MTMR9: variants seen among roughly 807,000 people sequenced by gnomAD.
The protein encoded by MTMR9 is myotubularin-related protein 9.
In MTMR9, 39 loss-of-function variants were observed where a neutral mutation model predicts 69.5. That is an observed-to-expected ratio of 0.56 (90% confidence interval 0.43 to 0.73). MTMR9 has a LOEUF of 0.73. MTMR9 is among the 30% of genes least tolerant of loss of function. The pLI is 0.00. For missense variants in MTMR9, 900 were observed against 671.2 expected, an observed-to-expected ratio of 1.34 and a Z score of -3.77; for synonymous variants, 354 against 240.8, an observed-to-expected ratio of 1.47 and a Z score of -4.35.
At chr8:11,336,021 C>T in the MTMR9 span, among the ~76,000 whole-genome samples, 61,667 of 152,006 alleles carry the variant, frequency 0.41, 14,102 homozygotes, top group East Asian at 0.74. Context: ...AGAAGTATTA[C>T]AGACAAGGAA....
At chr8:11,314,544 G>C (rs1057184574) in intron 6 of MTMR9, among the ~76,000 whole-genome samples, 1 of 152,170 alleles carries the variant, frequency 6.6e-6, no homozygotes, top group Non-Finnish European at 1.5e-5. Flanking sequence ...TTGATGAGAA[G>C]AGGCTTTAAC....
rs370937399 is a variant in MTMR9 at position 11,319,723 on chromosome 8, G to A, written c.1371G>A (p.Leu457=). ...KLKLQQKTMS[L]WSWVNQPSEL... is the part of the protein sequence containing the mutation. The stretch of plus-strand genomic sequence containing the variant: ...AGCTACAGCAGAAGACGATGTCTTT[G>A]TGGTCCTGGGTTAATCAGCCCAGTG... Residue 457 remains leucine (L), a synonymous_variant, in exon 9 of 10, where the codon TTG becomes TTA. Coordinates refer to ENST00000221086, the MANE Select transcript of MTMR9 (RefSeq NM_015458.4). 4 of 1,614,122 alleles carry A rather than the reference G, an allele frequency of 2.5e-6. No individual in the cohort carries two copies. Among genetic ancestry groups the A allele is most frequent in the Admixed American group, 1.7e-5 (1 of 60,022 alleles).
Position 11,285,077 on chromosome 8 carries a change from G to T in MTMR9, c.182+7G>T, listed in dbSNP as rs1433056543. On this transcript the variant is annotated splice_region_variant and intron_variant, in intron 1 of 9. Transcript: ENST00000221086. Reference sequence around the variant, plus strand: ...TCGACGCCATCGACAAGCGGTGAGTGCCCGCCCCACCCCAGCTCCGCAGGG... The same window carrying T: ...TCGACGCCATCGACAAGCGGTGAGTTCCCGCCCCACCCCAGCTCCGCAGGG... 1 of 1,578,746 alleles carries T rather than the reference G, an allele frequency of 6.3e-7. No individual in the cohort carries two copies. Among genetic ancestry groups the T allele is most frequent in the Admixed American group, 1.8e-5 (1 of 56,566 alleles).
In MTMR9 at chr8:11,299,950, C is replaced by A. The variant is rs548879565; in HGVS notation, c.292-73C>A. The A allele has an allele frequency of 3.9e-6, 6 of 1,535,160 alleles. No individual in the cohort carries two copies. The East Asian group carries it at 9.3e-5, about 24-fold the overall frequency. On this transcript the variant is annotated intron_variant, in intron 2 of 9. Transcript: ENST00000221086. ...ATTATTAGACCATGTTTGCTTAATA[C>A]TAATTTGTCAGTTAGAATATGTTTC... is the stretch of plus-strand genomic sequence containing the variant.
In MTMR9 at chr8:11,284,840, C is replaced by T. The variant is rs767268317; in HGVS notation, c.-49C>T. The stretch of plus-strand genomic sequence containing the variant: ...CGCTACTTCCCTGCGGCGGGGTAAC[C>T]GCCTCGCACCTACCGGGCTCGGTTC... On this transcript the variant is annotated 5_prime_UTR_variant, in exon 1 of 10. Coordinates refer to ENST00000221086, the MANE Select transcript of MTMR9 (RefSeq NM_015458.4). The T allele has an allele frequency of 1.3e-6, 2 of 1,497,610 alleles. No homozygotes were observed. Among genetic ancestry groups the T allele is most frequent in the South Asian group, 2.5e-5 (2 of 78,800 alleles). The allele number at this position is 1,497,610 out of a possible 1,614,324, so 92.8% of individuals were successfully genotyped here.
chr8:11,304,588 A>T (rs1342115933), intron 3 of MTMR9, among the ~76,000 whole-genome samples: 1 of 152,228 alleles, frequency 6.6e-6, no homozygotes. Flanking sequence ...CTACAGAGCA[A>T]CAAGTTTTGC....
chr8:11,336,241 G>A, the MTMR9 span, among the ~76,000 whole-genome samples: 1 of 152,186 alleles, frequency 6.6e-6, no homozygotes, highest in Non-Finnish European at 1.5e-5. Context: ...CTTGCCCAGA[G>A]GAAGTCCATG....
At chr8:11,303,843 T>C (rs1036322837) in intron 3 of MTMR9, among the ~76,000 whole-genome samples, 17 of 152,124 alleles carry the variant, frequency 1.1e-4, no homozygotes, top group African/African-American at 4.1e-4. Context: ...CTAGAAACTA[T>C]GTTTTTAAAC....
downstream of MTMR9, chr8:11,331,592 G>T: frequency 6.2e-7 from 1 of 1,613,240 alleles, no homozygotes; most frequent in Non-Finnish European, 8.5e-7. Flanking sequence ...GGTGTGGACT[G>T]TTGGGCAGCA....
chr8:11,298,637 C>T (rs1375498999), intron 2 of MTMR9: 4 of 516,152 alleles, frequency 7.7e-6, no homozygotes, highest in African/African-American at 4.1e-5. Flanking sequence ...GCTGTTGGGC[C>T]TTCTCCTCCT....
chr8:11,319,485 C>G (rs899869692), intron 8 of MTMR9: 19 of 570,584 alleles, frequency 3.3e-5, no homozygotes, highest in Non-Finnish European at 5.2e-5. Context: ...GTAAAATACT[C>G]TTTGTTTTGT....
chr8:11,332,356 C>A, downstream of MTMR9: 1 of 778,112 alleles, frequency 1.3e-6, no homozygotes, highest in Non-Finnish European at 1.8e-6. Context: ...ATTAATTGAA[C>A]TATCCTTAAG....
At chr8:11,307,696 C>A (rs1359175236) in intron 5 of MTMR9, among the ~76,000 whole-genome samples, 1 of 152,186 alleles carries the variant, frequency 6.6e-6, no homozygotes, top group Non-Finnish European at 1.5e-5. Context: ...TGTCCATATT[C>A]TCAACAACAG....
intron 1 of MTMR9, among the ~76,000 whole-genome samples, chr8:11,290,696 C>G (rs887054788): frequency 6.6e-6 from 1 of 152,046 alleles, no homozygotes; most frequent in Non-Finnish European, 1.5e-5. Flanking sequence ...ACAACCCAAC[C>G]TTGGCTGGTT....
intron 3 of MTMR9, 93 bp from the exon 4 acceptor site, chr8:11,304,748 T>C: frequency 7.9e-7 from 1 of 1,272,164 alleles, no homozygotes. Flanking sequence ...TCTTCATCAG[T>C]GAAAGTTGAC....
At position 11,305,008 on chromosome 8, in the gene MTMR9, T is replaced by C. The variant is rs774951881; in HGVS notation, c.585T>C (p.Asn195=). 1 of 1,613,606 alleles carries C rather than the reference T, an allele frequency of 6.2e-7. No individual in the cohort carries two copies. The highest frequency in any genetic ancestry group is 8.5e-7 in the Non-Finnish European group (1 of 1,179,750). ...TACTAAGCTATTACCACAAAAAAAATGGGATGGTAAGTGCACAGCACTACT... is the reference window on the plus strand; with the variant it reads ...TACTAAGCTATTACCACAAAAAAAACGGGATGGTAAGTGCACAGCACTACT... ...FPVLSYYHKK[N]GMVIMRSGQP... Residue 195 remains asparagine (N), a synonymous_variant, in exon 4 of 10, where the codon AAT becomes AAC. Transcript: ENST00000221086.
At chr8:11,313,072 C>T (rs1483301182) in intron 6 of MTMR9, among the ~76,000 whole-genome samples, 1 of 152,196 alleles carries the variant, frequency 6.6e-6, no homozygotes, top group Non-Finnish European at 1.5e-5. Flanking sequence ...TTTAGTGTAA[C>T]CCTTAAGGCC....
rs942989002 is a variant in MTMR9 at position 11,323,483 on chromosome 8, A to G, written c.*695A>G. On this transcript the variant is annotated 3_prime_UTR_variant, in exon 10 of 10. Transcript: ENST00000221086. Reference sequence around the variant, plus strand: ...AACGTAGACACTAAAAGTATGTGCAATATACAATTAAAGTAGGAATTTGTT... The same window carrying G: ...AACGTAGACACTAAAAGTATGTGCAGTATACAATTAAAGTAGGAATTTGTT... 2.6e-5 allele frequency: 4 copies of G among 152,262 alleles called. No individual in the cohort carries two copies. Among genetic ancestry groups the G allele is most frequent in the Admixed American group, 2.0e-4 (3 of 15,288 alleles). The allele number at this position is 152,262 out of a possible 1,614,324, so 9.4% of individuals were successfully genotyped here.
chr8:11,298,726 C>CA (rs1031233620), intron 2 of MTMR9: 6 of 912,268 alleles, frequency 6.6e-6, no homozygotes, highest in African/African-American at 5.5e-5. Flanking sequence ...CTGCACCCCC[C>CA]CCCCGCCATC....
Sources: allele counts gnomAD v4.1 joint callset (sites outside exome capture counted in the v4.1 genomes callset), GRCh38; gene constraint gnomAD v4.1.1; transcripts MANE v1.5; gene names NCBI Gene and HGNC (gene_info 2026-07-23, HGNC 2026-07-21).